The following SETD3 variants were observed in gnomAD, a reference collection of about 807,000 sequenced individuals.
SETD3 encodes SET domain containing 3, actin N3(tau)-histidine methyltransferase.
A neutral mutation model predicts 63.0 loss-of-function variants in SETD3; 19 were observed. The ratio of observed to expected loss-of-function variants is 0.30; its 90% CI spans 0.21 to 0.44. The LOEUF (loss-of-function observed/expected upper bound fraction) is 0.44, where lower values mean the gene tolerates loss of function less well. Ranked by LOEUF, SETD3 falls within the 20% of genes least tolerant of loss-of-function variation. The pLI, the probability that SETD3 is intolerant of heterozygous loss-of-function variation, is 1.00. For synonymous variants in SETD3, 286 were observed against 264.1 expected (o/e 1.08, Z -0.80); for missense variants, 587 against 728.5 (o/e 0.81, Z 2.24).
chr14:99,469,506 G>A (rs1408800439), intron 1 of SETD3, among the ~76,000 whole-genome samples: 6 of 152,254 alleles, frequency 3.9e-5, no homozygotes, highest in African/African-American at 1.4e-4. Flanking sequence ...CACTTTGGGA[G>A]GCCAAGGCAG....
intron 8 of SETD3, chr14:99,410,171 G>T: frequency 1.2e-6 from 2 of 1,604,122 alleles, no homozygotes; most frequent in Non-Finnish European, 8.5e-7. Context: ...GGAATGGAGG[G>T]TCTTAGGCAG....
intron 6 of SETD3, among the ~76,000 whole-genome samples, chr14:99,442,116 G>T (rs974536815): frequency 6.6e-6 from 1 of 152,170 alleles, no homozygotes; most frequent in African/African-American, 2.4e-5. Context: ...TGAGCACACC[G>T]GCTCCGCATC....
intron 6 of SETD3, among the ~76,000 whole-genome samples, chr14:99,422,300 T>A (rs1275256098): frequency 6.6e-6 from 1 of 152,264 alleles, no homozygotes; most frequent in Non-Finnish European, 1.5e-5. Context: ...TCTGGAATTC[T>A]ATCATTTTTC....
At chr14:99,471,257 T>C (rs1895688479) in intron 1 of SETD3, among the ~76,000 whole-genome samples, 1 of 152,256 alleles carries the variant, frequency 6.6e-6, no homozygotes, top group South Asian at 2.1e-4. Context: ...GATAGTATAT[T>C]TGAATATATT....
At chr14:99,479,520 T>C (rs751462197) in intron 1 of SETD3, among the ~76,000 whole-genome samples, 1 of 152,232 alleles carries the variant, frequency 6.6e-6, no homozygotes, top group Non-Finnish European at 1.5e-5. Flanking sequence ...TCGCTTAAAA[T>C]AATAAACACT....
rs1891193867 is a variant in SETD3 at position 99,398,236 on chromosome 14, T to A, written c.*443A>T. 6.4e-6 allele frequency: 1 copy of A among 155,800 alleles called. No individual in the cohort carries two copies. Among genetic ancestry groups the A allele is most frequent in the Non-Finnish European group, 1.4e-5 (1 of 70,442 alleles). The allele number at this position is 155,800 out of a possible 1,614,324, so 9.7% of individuals were successfully genotyped here. On this transcript the variant is annotated 3_prime_UTR_variant, in exon 13 of 13. Coordinates refer to ENST00000331768, the MANE Select transcript of SETD3 (RefSeq NM_032233.3). Reference sequence around the variant, plus strand: ...GTTTCCCAACTTCAATTCTGTTTTCTGCTGTGCAACTTCCCCACCTTCACG... The same window carrying A: ...GTTTCCCAACTTCAATTCTGTTTTCAGCTGTGCAACTTCCCCACCTTCACG...
chr14:99,455,058 A>G (rs1894679237), intron 6 of SETD3, among the ~76,000 whole-genome samples: 1 of 152,266 alleles, frequency 6.6e-6, no homozygotes, highest in Non-Finnish European at 1.5e-5. Flanking sequence ...ATTTAATTCC[A>G]AATTATATGT....
intron 8 of SETD3, chr14:99,410,253 G>T (rs777290646): frequency 3.7e-6 from 6 of 1,613,298 alleles, no homozygotes; most frequent in Admixed American, 1.7e-5. Flanking sequence ...AGTCAGACCT[G>T]TGTGCACGGA....
At chr14:99,461,086 A>T in intron 4 of SETD3, 106 bp downstream of exon 4, 1 of 1,366,150 alleles carries the variant, frequency 7.3e-7, no homozygotes, top group African/African-American at 1.5e-5. Context: ...ACAGGCTCAG[A>T]ACTAGAACTC....
At chr14:99,466,931 G>A (rs535653169) in intron 1 of SETD3, among the ~76,000 whole-genome samples, 1 of 152,320 alleles carries the variant, frequency 6.6e-6, no homozygotes, top group African/African-American at 2.4e-5. Flanking sequence ...TATCTCAAGT[G>A]AGAATCAAAA....
intron 1 of SETD3, among the ~76,000 whole-genome samples, chr14:99,471,923 C>G (rs1178198441): frequency 3.9e-5 from 6 of 152,152 alleles, no homozygotes; most frequent in African/African-American, 1.4e-4. Context: ...CCCACTGAGG[C>G]CGGCAGTGAC....
chr14:99,429,347 G>A (rs1242108562), intron 6 of SETD3, among the ~76,000 whole-genome samples: 5 of 152,136 alleles, frequency 3.3e-5, no homozygotes, highest in African/African-American at 1.2e-4. Context: ...AGACACAGGA[G>A]GCATCACACC....
At chr14:99,474,181 C>T (rs1895849541) in intron 1 of SETD3, among the ~76,000 whole-genome samples, 1 of 152,134 alleles carries the variant, frequency 6.6e-6, no homozygotes, top group Non-Finnish European at 1.5e-5. Context: ...AAAAATTAGC[C>T]TGGTATGGTG....
At chr14:99,442,207 ATCATACCT>A (rs1458175706) in intron 6 of SETD3, among the ~76,000 whole-genome samples, 3 of 152,174 alleles carry the variant, frequency 2.0e-5, no homozygotes, top group Admixed American at 2.0e-4. Context: ...AATAAAAGTA[ATCATACCT>A]TCTCATTGGG....
At chr14:99,404,399 G>A in intron 10 of SETD3, 89 bp from the exon 11 acceptor site, 2 of 1,176,994 alleles carry the variant, frequency 1.7e-6, no homozygotes, top group Non-Finnish European at 1.3e-6. Flanking sequence ...AGCACGTGTG[G>A]TTGTCCTCAA....
upstream of SETD3, among the ~76,000 whole-genome samples, chr14:99,484,383 A>G (rs1305349596): frequency 6.6e-6 from 1 of 152,244 alleles, no homozygotes; most frequent in Admixed American, 6.5e-5. Flanking sequence ...TATGCACATC[A>G]TATCTGTTTT....
chr14:99,426,768 C>T (rs1892904945), intron 6 of SETD3, among the ~76,000 whole-genome samples: 1 of 152,126 alleles, frequency 6.6e-6, no homozygotes, highest in South Asian at 2.1e-4. Flanking sequence ...CAGGGGGGAG[C>T]ATATTTAAAT....
chr14:99,400,057 C>A, intron 12 of SETD3, 42 bp downstream of exon 12: 1 of 1,542,020 alleles, frequency 6.5e-7, no homozygotes, highest in Non-Finnish European at 8.8e-7. Context: ...AACATCTTAA[C>A]AACACAACAA....
At chr14:99,463,797 A>G (rs1245054164) in intron 2 of SETD3, among the ~76,000 whole-genome samples, 1 of 152,130 alleles carries the variant, frequency 6.6e-6, no homozygotes, top group Non-Finnish European at 1.5e-5. Context: ...AACATCCCCC[A>G]CTTAACGTAC....
Sources: gnomAD v4.1 joint callset for allele counts (sites outside exome capture counted in the v4.1 genomes callset) on GRCh38, gnomAD v4.1.1 for gene constraint, MANE v1.5 for transcripts, NCBI Gene and HGNC (gene_info 2026-07-23, HGNC 2026-07-21) for gene names.